The following RCL1 variants were observed in gnomAD, a reference collection of about 807,000 sequenced individuals.
RCL1 encodes RNA 3'-terminal phosphate cyclase-like protein.
A neutral mutation model predicts 42.4 loss-of-function variants in RCL1; 24 were observed. That is an observed-to-expected ratio of 0.57 (90% CI 0.41 to 0.80). The LOEUF (loss-of-function observed/expected upper bound fraction) is 0.80, where lower values mean the gene tolerates loss of function less well. Among genes scored for constraint, RCL1 ranks in the 30% least tolerant of loss-of-function variants. RCL1 has a pLI of 0.00. For synonymous variants in RCL1, 228 were observed against 177.3 expected (o/e 1.29, Z -2.27); for missense variants, 578 against 467.9 (o/e 1.24, Z -2.17).
chr9:4,821,512 A>G (rs1816596030), intron 1 of RCL1, among the ~76,000 whole-genome samples: 1 of 152,224 alleles, frequency 6.6e-6, no homozygotes, highest in Non-Finnish European at 1.5e-5. Flanking sequence ...GAAATTTATC[A>G]CAGTTCTGGA....
chr9:4,798,921 A>T (rs1842954836), intron 1 of RCL1, among the ~76,000 whole-genome samples: 1 of 148,352 alleles, frequency 6.7e-6, no homozygotes, highest in Non-Finnish European at 1.5e-5. Context: ...AAGAATCCTA[A>T]TGACCAGTTT....
At chr9:4,799,635 A>T (rs1842966666) in intron 1 of RCL1, among the ~76,000 whole-genome samples, 1 of 152,178 alleles carries the variant, frequency 6.6e-6, no homozygotes, top group Non-Finnish European at 1.5e-5. Context: ...ACTGCTCCAT[A>T]AATGGAATCA....
At chr9:4,803,726 T>TAA (rs374585672) in intron 1 of RCL1, 2 of 145,786 alleles carry the variant, frequency 1.4e-5, no homozygotes, top group African/African-American at 2.5e-5. Context: ...GTGTGAAAGG[T>TAA]AAAAAAAAAA....
intron 7 of RCL1, among the ~76,000 whole-genome samples, chr9:4,848,828 T>A (rs1039397277): frequency 1.3e-5 from 2 of 152,206 alleles, no homozygotes; most frequent in African/African-American, 4.8e-5. Context: ...GTGGAAGGCA[T>A]AATTTTATAC....
At chr9:4,820,303 T>C (rs977978450) in intron 1 of RCL1, among the ~76,000 whole-genome samples, 1 of 152,174 alleles carries the variant, frequency 6.6e-6, no homozygotes, top group Non-Finnish European at 1.5e-5. Flanking sequence ...GACTTTGATC[T>C]TACCATTATT....
chr9:4,847,065 G>C (rs1019095426), intron 7 of RCL1, among the ~76,000 whole-genome samples: 1 of 151,908 alleles, frequency 6.6e-6, no homozygotes, highest in Non-Finnish European at 1.5e-5. Flanking sequence ...TTTTAGTAGA[G>C]ATAGGGTTTC....
At chr9:4,846,253 A>G (rs10974809) in intron 7 of RCL1, among the ~76,000 whole-genome samples, 4,718 of 152,262 alleles carry the variant, frequency 0.031, 238 homozygotes, top group African/African-American at 0.1. Flanking sequence ...TTTAATGACC[A>G]TCTAATTAAA....
chr9:4,835,849 C>T (rs886464498), intron 5 of RCL1, among the ~76,000 whole-genome samples: 11 of 152,190 alleles, frequency 7.2e-5, no homozygotes, highest in African/African-American at 2.7e-4. Flanking sequence ...GTAGGAGGCA[C>T]TGGTGTGTAA....
intron 8 of RCL1, among the ~76,000 whole-genome samples, chr9:4,850,554 A>C (rs1390047390): frequency 6.8e-6 from 1 of 147,156 alleles, no homozygotes; most frequent in Non-Finnish European, 1.5e-5. Context: ...AAAATGGAAG[A>C]GAATACATTC....
intron 1 of RCL1, among the ~76,000 whole-genome samples, chr9:4,794,976 T>G (rs1183914961): frequency 6.6e-6 from 1 of 152,206 alleles, no homozygotes; most frequent in Non-Finnish European, 1.5e-5. Context: ...TTATTTGCCT[T>G]ACCCCGTTCA....
intron 2 of RCL1, among the ~76,000 whole-genome samples, chr9:4,825,350 A>T (rs903320106): frequency 1.3e-5 from 2 of 152,228 alleles, no homozygotes; most frequent in African/African-American, 4.8e-5. Flanking sequence ...ATAAATAAAC[A>T]TACGGATTTG....
In RCL1 at chr9:4,844,173, G is replaced by C. The variant is rs182243658; in HGVS notation, c.711-352G>C. Among the ~76,000 whole-genome samples, 3 of 152,278 alleles carry C rather than the reference G, an allele frequency of 2.0e-5. No individual in the cohort carries two copies. The East Asian group carries it at 5.8e-4, about 29-fold the overall frequency. On this transcript the variant is annotated intron_variant, in intron 6 of 8. Transcript: ENST00000381750. ...GACACATAGAAAGTATTGTGTGAGC[G>C]TGTGTTGAGTTGTGTTAAAGGGGGC... is the stretch of plus-strand genomic sequence containing the variant.
intron 1 of RCL1, among the ~76,000 whole-genome samples, chr9:4,805,415 A>AGGGGAG (rs1200235951): frequency 9.9e-5 from 15 of 151,848 alleles, no homozygotes; most frequent in African/African-American, 3.6e-4. Flanking sequence ...GGGAAGGGGA[A>AGGGGAG]GGGGAAGGCC....
chr9:4,802,530 AT>A (rs1285106056), intron 1 of RCL1, among the ~76,000 whole-genome samples: 1 of 152,174 alleles, frequency 6.6e-6, no homozygotes, highest in Non-Finnish European at 1.5e-5. Context: ...CCCAGATGAA[AT>A]ATTATAGGTT....
At position 4,806,017 on chromosome 9, in the gene RCL1, GGTGTGTGTGT is replaced by G. The variant is rs58494209; in HGVS notation, c.136+12809_136+12818del. On this transcript the variant is annotated intron_variant, in intron 1 of 8. Transcript: ENST00000381750. ...TATTAGTATATAGAAATACCATTGG[GGTGTGTGTGT>G]GTGTGTGTGTGTGTGTGTTTGTGTG... Among the ~76,000 whole-genome samples, 785 of 142,832 alleles carry G rather than the reference GGTGTGTGTGT, an allele frequency of 5.5e-3. 12 individuals are homozygous for G. Among genetic ancestry groups the G allele is most frequent in the African/African-American group, 0.019 (721 of 38,336 alleles). The allele number at this position is 142,832 out of a possible 152,430, so 93.7% of individuals were successfully genotyped here.
chr9:4,806,064 T>G (rs7043467), intron 1 of RCL1, among the ~76,000 whole-genome samples: 4,812 of 138,804 alleles, frequency 0.035, 212 homozygotes, highest in African/African-American at 0.11. Flanking sequence ...GTGTGTGTGT[T>G]TGTGTGTGTA....
intron 8 of RCL1, 63 bp from the exon 9 acceptor site, chr9:4,860,062 A>G: frequency 8.5e-7 from 1 of 1,175,798 alleles, no homozygotes; most frequent in African/African-American, 1.6e-5. Flanking sequence ...TCTAGGTGGT[A>G]GAGGATAATT....
At chr9:4,816,256 CAT>C (rs1160433682) in intron 1 of RCL1, among the ~76,000 whole-genome samples, 1 of 152,156 alleles carries the variant, frequency 6.6e-6, no homozygotes, top group Non-Finnish European at 1.5e-5. Flanking sequence ...AAGGATTGCA[CAT>C]ATGTTATTCC....
chr9:4,823,537 TTTC>T lies in RCL1; in HGVS notation c.137-7_137-5del. 6.2e-7 allele frequency: 1 copy of T among 1,606,224 alleles called. No individual in the cohort carries two copies. Among genetic ancestry groups the T allele is most frequent in the Non-Finnish European group, 8.5e-7 (1 of 1,176,218 alleles). ...TCTTCTCTTTTCTTCACAGATTTTT[TTTC>T]TTCACAGATTTTGAAGCCAGCTTCA... On this transcript the variant is annotated splice_region_variant and splice_polypyrimidine_tract_variant and intron_variant, in intron 1 of 8. Transcript: ENST00000381750.
Sources: gnomAD v4.1 joint callset for allele counts (sites outside exome capture counted in the v4.1 genomes callset) on GRCh38, gnomAD v4.1.1 for gene constraint, MANE v1.5 for transcripts, NCBI Gene and HGNC (gene_info 2026-07-23, HGNC 2026-07-21) for gene names.